Variants in PRKAR2A observed in about 807,000 individuals in gnomAD.
PRKAR2A encodes the protein protein kinase cAMP-dependent type II regulatory subunit alpha.
A neutral mutation model predicts 51.9 loss-of-function variants in PRKAR2A; 29 were observed. The observed-to-expected ratio is 0.56, with a 90% CI of 0.42 to 0.76. PRKAR2A has a LOEUF of 0.76. PRKAR2A is among the 30% of genes least tolerant of loss of function. The pLI is 0.00. For missense variants in PRKAR2A, 445 were observed against 512.1 expected (o/e 0.87, Z 1.26); for synonymous variants, 178 against 186.2 (o/e 0.96, Z 0.36).
chr3:48,784,091 T>C (rs2082250090), intron 4 of PRKAR2A, among the ~76,000 whole-genome samples: 1 of 152,140 alleles, frequency 6.6e-6, no homozygotes, highest in African/African-American at 2.4e-5. Context: ...ACATCAACTA[T>C]GTCAATAAGT....
At chr3:48,832,952 A>C (rs1265650201) in intron 1 of PRKAR2A, among the ~76,000 whole-genome samples, 3 of 152,140 alleles carry the variant, frequency 2.0e-5, no homozygotes, top group Admixed American at 1.3e-4. Context: ...AATACATCCA[A>C]TCTGACCTTG....
intron 2 of PRKAR2A, among the ~76,000 whole-genome samples, chr3:48,796,891 T>C (rs958964856): frequency 2.5e-4 from 38 of 152,122 alleles, no homozygotes; most frequent in Admixed American, 2.5e-3. Flanking sequence ...TATCCTTGGC[T>C]TTTTGCTCAG....
At chr3:48,780,375 G>A (rs140886141) in intron 5 of PRKAR2A, among the ~76,000 whole-genome samples, 1,785 of 151,934 alleles carry the variant, frequency 0.012, 35 homozygotes, top group African/African-American at 0.041. Flanking sequence ...AGGCTGAGGC[G>A]GGCAGATCAC....
At chr3:48,821,292 T>C (rs761394766) in intron 1 of PRKAR2A, among the ~76,000 whole-genome samples, 4 of 152,192 alleles carry the variant, frequency 2.6e-5, no homozygotes, top group Non-Finnish European at 4.4e-5. Flanking sequence ...GATCATTCTC[T>C]GCTGTAAAGA....
At chr3:48,828,148 G>A (rs1392894681) in intron 1 of PRKAR2A, among the ~76,000 whole-genome samples, 1 of 152,188 alleles carries the variant, frequency 6.6e-6, no homozygotes, top group Non-Finnish European at 1.5e-5. Flanking sequence ...TTACAGGCGT[G>A]AGCCAACGCA....
intron 1 of PRKAR2A, among the ~76,000 whole-genome samples, chr3:48,821,553 C>A (rs1400364182): frequency 6.6e-6 from 1 of 152,194 alleles, no homozygotes; most frequent in East Asian, 1.9e-4. Flanking sequence ...TCACACCAGA[C>A]ACTAGATATT....
rs921816493 is a variant in PRKAR2A, at chr3:48,778,366, G to C, written c.542+4620C>G. Reference sequence around the variant, plus strand: ...AGACAGGGTCTCACTTTGTCCCCCAGGCTGGAGTGCAGTGTTATGATCACT... The same window carrying C: ...AGACAGGGTCTCACTTTGTCCCCCACGCTGGAGTGCAGTGTTATGATCACT... On this transcript the variant is annotated intron_variant, in intron 5 of 10. Transcript: ENST00000265563. Among the ~76,000 whole-genome samples the C allele has an allele frequency of 6.6e-5, 10 of 152,004 alleles. 1 individual carries two copies. Among genetic ancestry groups the C allele is most frequent in the African/African-American group, 2.4e-4 (10 of 41,368 alleles).
At chr3:48,806,747 C>T (rs1404658716) in intron 2 of PRKAR2A, among the ~76,000 whole-genome samples, 1 of 151,816 alleles carries the variant, frequency 6.6e-6, no homozygotes, top group Non-Finnish European at 1.5e-5. Context: ...TAAGAAAATA[C>T]AAATAGATTT....
intron 9 of PRKAR2A, among the ~76,000 whole-genome samples, chr3:48,754,517 A>T (rs2081725353): frequency 6.6e-6 from 1 of 152,116 alleles, no homozygotes; most frequent in South Asian, 2.1e-4. Flanking sequence ...TCATGCCTGT[A>T]ATCCCAGCAC....
intron 6 of PRKAR2A, among the ~76,000 whole-genome samples, chr3:48,769,032 G>C (rs929727354): frequency 7.3e-5 from 11 of 149,672 alleles, no homozygotes; most frequent in Non-Finnish European, 1.5e-4. Context: ...TCCTGGAGGC[G>C]GAGGTTGCAG....
rs1041391548 is a variant in PRKAR2A at position 48,748,884 on chromosome 3, G to A, written c.*2701C>T. Reference sequence around the variant, plus strand: ...TTTCCCAGTGCTAGCTGCCTGTTTTGGAAAGCTGCAATGTAGGCTACAGAG... The same window carrying A: ...TTTCCCAGTGCTAGCTGCCTGTTTTAGAAAGCTGCAATGTAGGCTACAGAG... On this transcript the variant is annotated 3_prime_UTR_variant, in exon 11 of 11. Coordinates refer to ENST00000265563, the MANE Select transcript of PRKAR2A (RefSeq NM_004157.4). 4 of 152,188 alleles carry A rather than the reference G, an allele frequency of 2.6e-5. No individual in the cohort carries two copies. Among genetic ancestry groups the A allele is most frequent in the Non-Finnish European group, 5.9e-5 (4 of 68,044 alleles). The allele number at this position is 152,188 out of a possible 1,614,324, so 9.4% of individuals were successfully genotyped here. A position where few individuals can be genotyped will look rare whatever the true frequency, so the allele number is the denominator to read the frequency against.
chr3:48,792,236 G>C (rs940889559), intron 3 of PRKAR2A, among the ~76,000 whole-genome samples: 1 of 151,468 alleles, frequency 6.6e-6, no homozygotes, highest in Non-Finnish European at 1.5e-5. Flanking sequence ...CCACCTCCCA[G>C]GTTCAAGTGA....
At chr3:48,798,610 C>A (rs1414855898) in intron 2 of PRKAR2A, among the ~76,000 whole-genome samples, 1 of 151,464 alleles carries the variant, frequency 6.6e-6, no homozygotes, top group African/African-American at 2.4e-5. Flanking sequence ...TAAATGGGTA[C>A]ATGGGTATTA....
intron 1 of PRKAR2A, among the ~76,000 whole-genome samples, chr3:48,834,032 CT>C (rs2083239024): frequency 7.3e-6 from 1 of 137,160 alleles, no homozygotes. Context: ...AAGACTCCGT[CT>C]TAAAAAAAAA....
intron 9 of PRKAR2A, among the ~76,000 whole-genome samples, chr3:48,755,981 C>T (rs945615889): frequency 3.3e-5 from 5 of 151,828 alleles, no homozygotes; most frequent in South Asian, 2.1e-4. Context: ...AGGGTTTCAC[C>T]GTGTTAGCCA....
chr3:48,777,231 CTA>C (rs1462454770), intron 5 of PRKAR2A, among the ~76,000 whole-genome samples: 1 of 152,062 alleles, frequency 6.6e-6, no homozygotes, highest in Non-Finnish European at 1.5e-5. Context: ...TAAAAAGGCT[CTA>C]TATGTGAGTA....
At chr3:48,745,823 G>C (rs548000661), downstream of PRKAR2A, among the ~76,000 whole-genome samples, 3 of 152,210 alleles carry the variant, frequency 2.0e-5, no homozygotes, top group East Asian at 3.9e-4. Context: ...ACAGGTCTGA[G>C]TCATCGTGCC....
intron 4 of PRKAR2A, among the ~76,000 whole-genome samples, chr3:48,790,088 A>C (rs1220588183): frequency 6.6e-6 from 1 of 152,134 alleles, no homozygotes; most frequent in African/African-American, 2.4e-5. Flanking sequence ...GGTTACGTGA[A>C]TATGAGTACT....
intron 2 of PRKAR2A, among the ~76,000 whole-genome samples, chr3:48,806,488 T>TA (rs1050968234): frequency 3.3e-5 from 5 of 151,868 alleles, no homozygotes; most frequent in African/African-American, 1.2e-4. Context: ...GTTTTTTTTT[T>TA]AAAAAAGATG....
Sources: allele counts gnomAD v4.1 joint callset (sites outside exome capture counted in the v4.1 genomes callset), GRCh38; gene constraint gnomAD v4.1.1; transcripts MANE v1.5; gene names NCBI Gene and HGNC (gene_info 2026-07-23, HGNC 2026-07-21).